MLC1: variants seen among roughly 807,000 people sequenced by gnomAD.
The protein encoded by MLC1 is membrane protein MLC1.
Under a neutral mutation model 44.7 loss-of-function variants are expected in MLC1, and 32 were observed. The observed-to-expected ratio is 0.72, with a 90% CI of 0.54 to 0.96. MLC1 has a LOEUF of 0.96. Ranked by LOEUF, MLC1 falls within the 40% of genes least tolerant of loss-of-function variation. MLC1 has a pLI of 0.00. For synonymous variants in MLC1, 190 were observed against 213.0 expected, an observed-to-expected ratio of 0.89 and a Z score of 0.94; for missense variants, 459 against 492.2, an observed-to-expected ratio of 0.93 and a Z score of 0.64.
intron 5 of MLC1, among the ~76,000 whole-genome samples, chr22:50,078,033 C>T (rs2062026366): frequency 6.7e-6 from 1 of 150,032 alleles, no homozygotes. Context: ...TCTTGTTGCC[C>T]AGGCTGGAGA....
intron 1 of MLC1, 162 bp downstream of exon 1, chr22:50,085,193 A>G: frequency 7.7e-7 from 1 of 1,293,674 alleles, no homozygotes; most frequent in South Asian, 1.6e-5. Context: ...TCATTGATCC[A>G]TCTGGGCCCT....
chr22:50,066,528 C>T (rs1015269014), intron 10 of MLC1, among the ~76,000 whole-genome samples: 1 of 152,086 alleles, frequency 6.6e-6, no homozygotes, highest in Non-Finnish European at 1.5e-5. Context: ...GGTGTGTTGG[C>T]ATATGCCTGT....
chr22:50,082,229 A>G lies in MLC1; in HGVS notation c.267+855T>C, dbSNP rs796835270. Among the ~76,000 whole-genome samples, 166 of 93,742 alleles carry G rather than the reference A, an allele frequency of 1.8e-3. 1 individual carries two copies. Among genetic ancestry groups the G allele is most frequent in the South Asian group, 0.013 (30 of 2,256 alleles). The allele number at this position is 93,742 out of a possible 152,430, so 61.5% of individuals were successfully genotyped here. On this transcript the variant is annotated intron_variant, in intron 3 of 11. Coordinates refer to ENST00000311597, the MANE Select transcript of MLC1 (RefSeq NM_015166.4). ...TCCGCGGCTTGCGGGCCAGAGGGGC[A>G]TGGGGTGCGCGGCTTGCGGGCCAGA...
chr22:50,068,756 C>G lies in MLC1; in HGVS notation c.772-201G>C, dbSNP rs186195606. On this transcript the variant is annotated intron_variant, in intron 9 of 11. Coordinates refer to ENST00000311597, the MANE Select transcript of MLC1 (RefSeq NM_015166.4). ...TTTTTTTTTTTTTTTTGAGACAAGT[C>G]TCGCTGTGTCGCCAGGCTGGAATGC... Among the ~76,000 whole-genome samples the G allele has an allele frequency of 3.2e-3, 395 of 121,760 alleles. 1 individual carries two copies. The highest frequency in any genetic ancestry group is 0.012 in the African/African-American group (372 of 31,114). 79.9% of individuals were successfully genotyped at this position (121,760 alleles called of 152,430 possible).
chr22:50,063,644 G>T (rs1365521429), intron 11 of MLC1, among the ~76,000 whole-genome samples: 1 of 134,324 alleles, frequency 7.4e-6, no homozygotes, highest in Non-Finnish European at 1.6e-5. Flanking sequence ...CTCCCCAGCG[G>T]GTGCTCCTGT....
intron 11 of MLC1, among the ~76,000 whole-genome samples, chr22:50,062,199 CCCCAGCCGT>C: frequency 7.6e-6 from 1 of 131,328 alleles, no homozygotes; most frequent in Non-Finnish European, 1.5e-5. Context: ...CCACCCTGAG[CCCCAGCCGT>C]CCACCCTGAG....
intron 3 of MLC1, among the ~76,000 whole-genome samples, chr22:50,080,777 G>A (rs897189826): frequency 1.3e-5 from 2 of 152,182 alleles, no homozygotes; most frequent in East Asian, 1.9e-4. Flanking sequence ...TGTTAATGAA[G>A]GCTCTTCTAG....
chr22:50,085,287 C>T (rs923154907), intron 1 of MLC1, 68 bp downstream of exon 1: 35 of 933,964 alleles, frequency 3.7e-5, no homozygotes, highest in Non-Finnish European at 4.6e-5. Context: ...TAAACTGCTC[C>T]AATTGGTAGC....
intron 11 of MLC1, among the ~76,000 whole-genome samples, chr22:50,063,037 A>AC (rs1212936657): frequency 6.6e-6 from 1 of 152,174 alleles, no homozygotes; most frequent in Non-Finnish European, 1.5e-5. Flanking sequence ...CCCACCAGAG[A>AC]CCAGGGAAGG....
At chr22:50,075,707 CAAAAAAAAAGGAAA>C (rs1453857539) in intron 7 of MLC1, among the ~76,000 whole-genome samples, 2 of 134,438 alleles carry the variant, frequency 1.5e-5, no homozygotes, top group African/African-American at 5.5e-5. Context: ...GACTCCATCT[CAAAAAAAAAGGAAA>C]AAAAAAAAAG....
rs774783747 is a variant in MLC1 at position 50,077,021 on chromosome 22, T to C, written c.526-109A>G. ...GGGTCAGGTCAGCCTGCCGTGTAGA[T>C]GCGAGACCGCCTTGGAGGCGCCCGT... On this transcript the variant is annotated intron_variant, in intron 6 of 11. Coordinates refer to ENST00000311597, the MANE Select transcript of MLC1 (RefSeq NM_015166.4). The C allele has an allele frequency of 2.3e-5, 27 of 1,157,454 alleles. 1 individual carries two copies. The highest frequency in any genetic ancestry group is 5.2e-5 in the Admixed American group (3 of 57,954). 71.7% of individuals were successfully genotyped at this position (1,157,454 alleles called of 1,614,324 possible).
intron 5 of MLC1, among the ~76,000 whole-genome samples, chr22:50,079,553 TG>T (rs1474435118): frequency 7.2e-6 from 1 of 138,074 alleles, no homozygotes; most frequent in Admixed American, 8.1e-5. Context: ...TCTTCCAGGC[TG>T]GAGTGCAGTG....
chr22:50,062,746 G>T (rs2061599318), intron 11 of MLC1, among the ~76,000 whole-genome samples: 1 of 152,262 alleles, frequency 6.6e-6, no homozygotes, highest in African/African-American at 2.4e-5. Context: ...GCCCCGCTGA[G>T]TGGCTGCCCA....
rs529700428 is a variant in MLC1, at chr22:50,067,902, A to G, written c.894+531T>C. 2.1e-3 allele frequency among the ~76,000 whole-genome samples: 312 copies of G among 152,108 alleles called. 2 individuals carry two copies. The highest frequency in any genetic ancestry group is 6.9e-3 in the African/African-American group (285 of 41,488). ...ACACGCATGTTGACCTGGAGCAAAC[A>G]GCTTAATACAGGTCTTCTAATGATT... is the stretch of plus-strand genomic sequence containing the variant. On this transcript the variant is annotated intron_variant, in intron 10 of 11. Coordinates refer to ENST00000311597, the MANE Select transcript of MLC1 (RefSeq NM_015166.4).
At chr22:50,077,776 C>T (rs544415299) in intron 5 of MLC1, among the ~76,000 whole-genome samples, 5 of 152,294 alleles carry the variant, frequency 3.3e-5, no homozygotes, top group Admixed American at 2.0e-4. Flanking sequence ...TCTGGTCTAC[C>T]GACCCCATTC....
chr22:50,070,241 G>C (rs1186556715), intron 9 of MLC1, among the ~76,000 whole-genome samples: 1 of 152,152 alleles, frequency 6.6e-6, no homozygotes, highest in Non-Finnish European at 1.5e-5. Context: ...CTTAGGAGGT[G>C]CAGATGATGC....
Position 50,061,526 on chromosome 22 carries a change from G to A in MLC1, c.*57C>T. ...GTAGCTCAGGGCGATTAGGGGTTGT[G>A]CGTTTCCATGCTTGGGGCCAGGCTG... On this transcript the variant is annotated 3_prime_UTR_variant, in exon 12 of 12. Coordinates refer to ENST00000311597, the MANE Select transcript of MLC1 (RefSeq NM_015166.4). 1 of 1,538,090 alleles carries A rather than the reference G, an allele frequency of 6.5e-7. No homozygotes were observed. The highest frequency in any genetic ancestry group is 1.1e-5 in the South Asian group (1 of 89,656).
intron 5 of MLC1, among the ~76,000 whole-genome samples, chr22:50,079,294 C>G (rs1018823268): frequency 6.6e-6 from 1 of 151,518 alleles, no homozygotes; most frequent in Non-Finnish European, 1.5e-5. Context: ...AAAAACAAAA[C>G]AAAACAAAAC....
In MLC1 at chr22:50,083,280, G is replaced by A. The variant is rs2062193410; in HGVS notation, c.178-107C>T. ...GTCTGTGTATTGGTGACTCACCCACGTCCCCCAGCATCAACCACACCCGCA... is the reference window on the plus strand; with the variant it reads ...GTCTGTGTATTGGTGACTCACCCACATCCCCCAGCATCAACCACACCCGCA... On this transcript the variant is annotated intron_variant, in intron 2 of 11. Transcript: ENST00000311597. The surrounding 1 kb of genome is among the most constrained non-coding windows in gnomAD (Gnocchi z 4.6). 3 of 1,011,158 alleles carry A rather than the reference G, an allele frequency of 3.0e-6. No individual in the cohort carries two copies. Among genetic ancestry groups the A allele is most frequent in the East Asian group, 2.5e-5 (1 of 39,378 alleles). The allele number at this position is 1,011,158 out of a possible 1,614,324, so 62.6% of individuals were successfully genotyped here. A position where few individuals can be genotyped will look rare whatever the true frequency, so the allele number is the denominator to read the frequency against.
Sources: allele counts gnomAD v4.1 joint callset (sites outside exome capture counted in the v4.1 genomes callset), GRCh38; gene constraint gnomAD v4.1.1; non-coding constraint Gnocchi (gnomAD v3.1); transcripts MANE v1.5; gene names NCBI Gene and HGNC (gene_info 2026-07-23, HGNC 2026-07-21).